Variants in RGS22 observed in about 807,000 individuals in gnomAD.
RGS22 encodes regulator of G-protein signaling 22.
A neutral mutation model predicts 172.9 loss-of-function variants in RGS22; 148 were observed. That is an observed-to-expected ratio of 0.86 (90% CI 0.75 to 0.98). The LOEUF is 0.98. RGS22 is among the 50% of genes least tolerant of loss of function. The pLI is 0.00. For synonymous variants in RGS22, 458 were observed against 480.2 expected, an observed-to-expected ratio of 0.95 and a Z score of 0.60; for missense variants, 1,347 against 1,440.8, an observed-to-expected ratio of 0.93 and a Z score of 1.05.
chr8:99,969,637 G>A (rs918459030), intron 23 of RGS22, among the ~76,000 whole-genome samples: 11 of 151,942 alleles, frequency 7.2e-5, no homozygotes, highest in Non-Finnish European at 1.3e-4. Flanking sequence ...ACAAAGAAGG[G>A]CATTACATAA....
intron 15 of RGS22, among the ~76,000 whole-genome samples, chr8:100,008,101 G>A (rs1055721326): frequency 1.2e-4 from 18 of 150,334 alleles, no homozygotes; most frequent in Non-Finnish European, 2.5e-4. Flanking sequence ...GCAATGGTGC[G>A]ATCTTGGCTC....
At chr8:100,080,855 C>G (rs541934933) in intron 3 of RGS22, 1 of 152,154 alleles carries the variant, frequency 6.6e-6, no homozygotes, top group East Asian at 1.9e-4. Context: ...TGCACTGTGA[C>G]AAAAAAAGAG....
chr8:100,041,772 T>G (rs368741004), intron 12 of RGS22, 30 bp downstream of exon 12: 1 of 1,142,502 alleles, frequency 8.8e-7, no homozygotes, highest in Middle Eastern at 2.0e-4. Flanking sequence ...AAATGAAGAA[T>G]CAGGTTTATT....
chr8:100,023,498 C>T (rs1483349020), intron 14 of RGS22, among the ~76,000 whole-genome samples: 1 of 152,208 alleles, frequency 6.6e-6, no homozygotes, highest in Non-Finnish European at 1.5e-5. Context: ...CACTGGTGCA[C>T]TCATAGCTCA....
chr8:100,044,339 T>G (rs1820479911), intron 11 of RGS22, among the ~76,000 whole-genome samples: 1 of 152,208 alleles, frequency 6.6e-6, no homozygotes, highest in Non-Finnish European at 1.5e-5. Context: ...CTCTGCCTCC[T>G]GGGTTAAAGG....
At chr8:99,980,706 A>G (rs1236477196) in intron 22 of RGS22, among the ~76,000 whole-genome samples, 1 of 152,116 alleles carries the variant, frequency 6.6e-6, no homozygotes, top group African/African-American at 2.4e-5. Flanking sequence ...AGGCTAGAAG[A>G]CTCCAATAAA....
chr8:100,066,683 A>G (rs1269431804), intron 6 of RGS22, among the ~76,000 whole-genome samples: 1 of 151,984 alleles, frequency 6.6e-6, no homozygotes, highest in Non-Finnish European at 1.5e-5. Flanking sequence ...AACTTTCCCA[A>G]TTACTTCAGG....
intron 14 of RGS22, among the ~76,000 whole-genome samples, chr8:100,015,031 T>C (rs1315534302): frequency 2.0e-5 from 3 of 152,212 alleles, no homozygotes; most frequent in Non-Finnish European, 4.4e-5. Context: ...TAATGTGAAA[T>C]TTAGAATGAG....
At chr8:100,032,619 G>A (rs995371990) in intron 14 of RGS22, among the ~76,000 whole-genome samples, 4 of 152,082 alleles carry the variant, frequency 2.6e-5, no homozygotes, top group African/African-American at 7.2e-5. Context: ...GAGACAGAAG[G>A]TTAACAAAGA....
intron 14 of RGS22, among the ~76,000 whole-genome samples, chr8:100,013,476 G>A (rs1348278623): frequency 1.3e-5 from 2 of 152,068 alleles, no homozygotes; most frequent in East Asian, 1.9e-4. Flanking sequence ...GCTACTCTAA[G>A]TTCCATGAGA....
intron 3 of RGS22, among the ~76,000 whole-genome samples, chr8:100,085,466 T>C (rs1177284383): frequency 6.6e-6 from 1 of 152,190 alleles, no homozygotes; most frequent in Non-Finnish European, 1.5e-5. Context: ...AGTCAGCACA[T>C]AAGGTGAAAT....
chr8:100,030,288 C>G (rs1563639165), intron 14 of RGS22, among the ~76,000 whole-genome samples: 1 of 152,124 alleles, frequency 6.6e-6, no homozygotes, highest in Non-Finnish European at 1.5e-5. Context: ...ATGTATAGTA[C>G]AAAATACTTG....
At chr8:99,989,909 G>GATAGAT (rs1563581764) in intron 20 of RGS22, among the ~76,000 whole-genome samples, 24 of 125,346 alleles carry the variant, frequency 1.9e-4, no homozygotes, top group South Asian at 7.7e-4. Context: ...GATAGATATA[G>GATAGAT]ATAGATAGAT....
intron 6 of RGS22, 33 bp from the exon 7 acceptor site, chr8:100,066,329 T>C (rs1185652500): frequency 2.5e-6 from 4 of 1,584,338 alleles, no homozygotes; most frequent in Non-Finnish European, 1.7e-6. Flanking sequence ...GTTTAACATA[T>C]GATTAGCAGT....
At chr8:100,071,251 G>T in intron 6 of RGS22, 118 bp downstream of exon 6, 1 of 856,390 alleles carries the variant, frequency 1.2e-6, no homozygotes, top group Non-Finnish European at 1.7e-6. Flanking sequence ...TCATATCACT[G>T]CACTCCAGCC....
At chr8:99,967,780 G>GGGGAC (rs1457057491) in intron 23 of RGS22, among the ~76,000 whole-genome samples, 1 of 152,194 alleles carries the variant, frequency 6.6e-6, no homozygotes, top group Non-Finnish European at 1.5e-5. Context: ...AGAGCACCTG[G>GGGGAC]GGGACGGGGT....
At chr8:99,994,275 C>G (rs1814103038) in intron 20 of RGS22, among the ~76,000 whole-genome samples, 1 of 152,042 alleles carries the variant, frequency 6.6e-6, no homozygotes, top group African/African-American at 2.4e-5. Context: ...GGCAATCAGG[C>G]AAGAGAAAGA....
chr8:100,041,285 G>T (rs10112909), intron 12 of RGS22, among the ~76,000 whole-genome samples: 88,647 of 151,838 alleles, frequency 0.58, 26,036 homozygotes, highest in Admixed American at 0.64. Flanking sequence ...GGTCAGGAGT[G>T]CGAGACCAGT....
Position 100,063,869 on chromosome 8 carries a change from T to A in RGS22, c.899A>T (p.Asp300Val), listed in dbSNP as rs1810344131. 1 of 1,611,718 alleles carries A rather than the reference T, an allele frequency of 6.2e-7. No individual in the cohort carries two copies. The highest frequency in any genetic ancestry group is 1.3e-5 in the African/African-American group (1 of 74,746). ...ATGCATTGTCAGGCTTTCATCAACA[T>A]CCTGTTTCTTTTCAAGGTATACTCT... is the stretch of plus-strand genomic sequence containing the variant. Reference protein sequence around the residue: ...LLRVYLEKKQDVDESLTMHFS... With the variant: ...LLRVYLEKKQVVDESLTMHFS... The change falls in exon 8 of 28, where the codon GAT becomes GTT. Residue 300 changes from aspartate (D) to valine (V), a missense_variant. Transcript: ENST00000360863.
Sources: allele counts gnomAD v4.1 joint callset (sites outside exome capture counted in the v4.1 genomes callset), GRCh38; gene constraint gnomAD v4.1.1; transcripts MANE v1.5; gene names NCBI Gene and HGNC (gene_info 2026-07-23, HGNC 2026-07-21).